The following RHOQ variants were observed in gnomAD, a reference collection of about 807,000 sequenced individuals.
The protein encoded by RHOQ is ras homolog family member Q, also known as rho-related GTP-binding protein RhoQ.
In RHOQ, 7 loss-of-function variants were observed where a neutral mutation model predicts 25.8. The observed-to-expected ratio is 0.27, with a 90% CI of 0.15 to 0.51. RHOQ has a LOEUF of 0.51. RHOQ is among the 20% of genes least tolerant of loss of function. The pLI, the probability that RHOQ is intolerant of heterozygous loss-of-function variation, is 0.97. For missense variants in RHOQ, 165 were observed against 260.6 expected, an observed-to-expected ratio of 0.63 and a Z score of 2.53; for synonymous variants, 97 against 98.6, an observed-to-expected ratio of 0.98 and a Z score of 0.10.
rs977887737 is a variant in RHOQ, at chr2:46,542,597, C to T, written c.-450C>T. 1 of 146,646 alleles carries T rather than the reference C, an allele frequency of 6.8e-6. No homozygotes were observed. The highest frequency in any genetic ancestry group is 2.4e-5 in the African/African-American group (1 of 40,878). The allele number at this position is 146,646 out of a possible 1,614,324, so 9.1% of individuals were successfully genotyped here. A position where few individuals can be genotyped will look rare whatever the true frequency, so the allele number is the denominator to read the frequency against. On this transcript the variant is annotated 5_prime_UTR_variant, in exon 1 of 5. Transcript: ENST00000238738. ...GGGGGCGCGTGGCGCGGGCCGCGCT[C>T]GGGGAGGCGCCTGGGCCCGCCCTCC...
At chr2:46,543,585 G>A in intron 1 of RHOQ, 169 bp from the exon 2 acceptor site, 1 of 650,230 alleles carries the variant, frequency 1.5e-6, no homozygotes. Flanking sequence ...CCGGCCCTTT[G>A]CCGGTTCACA....
intron 2 of RHOQ, among the ~76,000 whole-genome samples, chr2:46,549,553 A>G (rs547631923): frequency 6.6e-6 from 1 of 152,230 alleles, no homozygotes; most frequent in Non-Finnish European, 1.5e-5. Flanking sequence ...CGCAGTTACA[A>G]AGAAACAAGA....
chr2:46,565,947 G>A (rs1189158380), intron 2 of RHOQ, among the ~76,000 whole-genome samples: 1 of 152,216 alleles, frequency 6.6e-6, no homozygotes. Flanking sequence ...GCTGAACTGG[G>A]GGTTCAGAGA....
intron 2 of RHOQ, chr2:46,568,254 A>C (rs538169244): frequency 6.6e-6 from 1 of 152,368 alleles, no homozygotes; most frequent in African/African-American, 2.4e-5. Flanking sequence ...TGACAAATCC[A>C]GTTTCTCAGA....
chr2:46,564,616 C>T (rs61678061), intron 2 of RHOQ, among the ~76,000 whole-genome samples: 2,569 of 152,320 alleles, frequency 0.017, 27 homozygotes, highest in South Asian at 0.041. Flanking sequence ...CTCCTCTGTG[C>T]ACTCTGGCTG....
At position 46,566,582 on chromosome 2, in the gene RHOQ, G is replaced by T. The variant is rs778484823; in HGVS notation, c.202-9505G>T. 9.9e-5 allele frequency among the ~76,000 whole-genome samples: 15 copies of T among 152,084 alleles called. No homozygotes were observed. Among genetic ancestry groups the T allele is most frequent in the Non-Finnish European group, 1.3e-4 (9 of 68,012 alleles). ...GACTGCCTAATTCATTCTTCTCAAAGTAGCCTGGATTATCGTTTTCAAATT... is the reference window on the plus strand; with the variant it reads ...GACTGCCTAATTCATTCTTCTCAAATTAGCCTGGATTATCGTTTTCAAATT... On this transcript the variant is annotated intron_variant, in intron 2 of 4. Coordinates refer to ENST00000238738, the MANE Select transcript of RHOQ (RefSeq NM_012249.4). The surrounding 1 kb of genome is among the most constrained non-coding windows in gnomAD (Gnocchi z 4.2).
intron 2 of RHOQ, among the ~76,000 whole-genome samples, chr2:46,544,336 A>G (rs981720497): frequency 1.3e-5 from 2 of 152,168 alleles, no homozygotes; most frequent in African/African-American, 4.8e-5. Context: ...GGTGTTACCA[A>G]AGGACCACAG....
rs568322233 is a variant in RHOQ, at chr2:46,577,780, A to C, written c.462+1124A>C. Among the ~76,000 whole-genome samples, 3 of 152,062 alleles carry C rather than the reference A, an allele frequency of 2.0e-5. 1 individual carries two copies. The highest frequency in any genetic ancestry group is 4.8e-5 in the African/African-American group (2 of 41,470). ...AAAGCAAGAAAACTTTCTGGAGGAC[A>C]GTTTTTCCTAAAGCAAAAAATAAAT... On this transcript the variant is annotated intron_variant, in intron 4 of 4. Coordinates refer to ENST00000238738, the MANE Select transcript of RHOQ (RefSeq NM_012249.4).
At chr2:46,572,890 C>T (rs1272108069) in intron 2 of RHOQ, 2 of 359,714 alleles carry the variant, frequency 5.6e-6, no homozygotes, top group Admixed American at 7.2e-5. Context: ...ATTCCCAAAT[C>T]CCACATTTCA....
intron 2 of RHOQ, among the ~76,000 whole-genome samples, chr2:46,570,365 G>T (rs781694299): frequency 2.0e-5 from 3 of 152,052 alleles, no homozygotes; most frequent in Non-Finnish European, 4.4e-5. Flanking sequence ...GCTTGAATCC[G>T]GGAGGCAGAG....
intron 2 of RHOQ, chr2:46,560,637 G>A (rs1668546150): frequency 2.2e-6 from 1 of 456,144 alleles, no homozygotes; most frequent in Admixed American, 2.3e-5. Flanking sequence ...CCAGTGGCCA[G>A]GATCTGTTGT....
chr2:46,579,795 A>G (rs1050570626), intron 4 of RHOQ, among the ~76,000 whole-genome samples: 2 of 152,008 alleles, frequency 1.3e-5, no homozygotes, highest in African/African-American at 2.4e-5. Flanking sequence ...TGATGAGCCA[A>G]GATCGAACCA....
At chr2:46,550,549 G>C (rs754974117) in intron 2 of RHOQ, among the ~76,000 whole-genome samples, 7 of 152,212 alleles carry the variant, frequency 4.6e-5, no homozygotes, top group Non-Finnish European at 1.0e-4. Context: ...CTTGCTCCCA[G>C]ATCCCCTGAG....
chr2:46,564,435 T>A (rs987898836), intron 2 of RHOQ, among the ~76,000 whole-genome samples: 1 of 152,164 alleles, frequency 6.6e-6, no homozygotes, highest in Non-Finnish European at 1.5e-5. Flanking sequence ...ATTGTGTGTG[T>A]TTTTGAAAGG....
intron 2 of RHOQ, among the ~76,000 whole-genome samples, chr2:46,563,327 G>A (rs1668628880): frequency 6.6e-6 from 1 of 152,208 alleles, no homozygotes; most frequent in African/African-American, 2.4e-5. Context: ...GGTGGCAGCT[G>A]ACCTATCTCC....
Position 46,569,122 on chromosome 2 carries a change from T to C in RHOQ, c.202-6965T>C, listed in dbSNP as rs982079782. On this transcript the variant is annotated intron_variant, in intron 2 of 4. Transcript: ENST00000238738. The surrounding 1 kb of genome is among the most constrained non-coding windows in gnomAD (Gnocchi z 4.1). ...ATAGCACTGGCTCCGAAGTTGTGGT[T>C]TGTCTTTTTTTGGAAAGTCAGGCTT... 1.3e-5 allele frequency: 2 copies of C among 152,236 alleles called. No individual in the cohort carries two copies. The highest frequency in any genetic ancestry group is 3.8e-4 in the East Asian group (2 of 5,204). 9.4% of individuals were successfully genotyped at this position (152,236 alleles called of 1,614,324 possible).
In RHOQ at chr2:46,581,461, A is replaced by G. The variant is rs1334335651; in HGVS notation, c.*378A>G. On this transcript the variant is annotated 3_prime_UTR_variant, in exon 5 of 5. Coordinates refer to ENST00000238738, the MANE Select transcript of RHOQ (RefSeq NM_012249.4). ...CCTTACAGAATCTGCACAAAGAAAT[A>G]TCTCCCTTTGCTCCAGTTAATTGTT... The G allele has an allele frequency of 6.2e-7, 1 of 1,608,384 alleles. No individual in the cohort carries two copies. Among genetic ancestry groups the G allele is most frequent in the East Asian group, 2.2e-5 (1 of 44,762 alleles).
chr2:46,543,633 C>T (rs1667924026), intron 1 of RHOQ, 121 bp from the exon 2 acceptor site: 1 of 807,480 alleles, frequency 1.2e-6, no homozygotes, highest in Non-Finnish European at 2.1e-6. Context: ...TGACATCTCG[C>T]GGGGAGCGCC....
At position 46,576,380 on chromosome 2, in the gene RHOQ, G is replaced by C. The variant is rs375037991; in HGVS notation, c.366+129G>C. 1 of 964,230 alleles carries C rather than the reference G, an allele frequency of 1.0e-6. No individual in the cohort carries two copies. 59.7% of individuals were successfully genotyped at this position (964,230 alleles called of 1,614,324 possible). A position where few individuals can be genotyped will look rare whatever the true frequency, so the allele number is the denominator to read the frequency against. ...TTTAATCTCAGCTGCAAGTTAATGA[G>C]TTCTATCATATTTTTGGAAAAAATT... On this transcript the variant is annotated intron_variant, in intron 3 of 4. Coordinates refer to ENST00000238738, the MANE Select transcript of RHOQ (RefSeq NM_012249.4). The surrounding 1 kb of genome is among the most constrained non-coding windows in gnomAD (Gnocchi z 5.1).
Sources: gnomAD v4.1 joint callset for allele counts (sites outside exome capture counted in the v4.1 genomes callset) on GRCh38, gnomAD v4.1.1 for gene constraint, Gnocchi (gnomAD v3.1) non-coding constraint, MANE v1.5 for transcripts, NCBI Gene and HGNC (gene_info 2026-07-23, HGNC 2026-07-21) for gene names.